Variants in MACROD2 observed in about 807,000 individuals in gnomAD.
MACROD2 encodes ADP-ribose glycohydrolase MACROD2.
In MACROD2, 36 loss-of-function variants were observed where a neutral mutation model predicts 70.4. That is an observed-to-expected ratio of 0.51 (90% confidence interval 0.39 to 0.68). MACROD2 has a LOEUF of 0.68. Among genes scored for constraint, MACROD2 ranks in the 30% least tolerant of loss-of-function variants. The probability of loss-of-function intolerance (pLI) is 0.00; values close to 1 mark genes in which losing one functional copy is unlikely to be tolerated. For missense variants in MACROD2, 496 were observed against 538.4 expected, an observed-to-expected ratio of 0.92 and a Z score of 0.78; for synonymous variants, 172 against 178.8, an observed-to-expected ratio of 0.96 and a Z score of 0.30.
chr20:14,847,055 T>G (rs1384869076), intron 5 of MACROD2, among the ~76,000 whole-genome samples: 1 of 151,312 alleles, frequency 6.6e-6, no homozygotes, highest in Non-Finnish European at 1.5e-5. Context: ...TGAATATCAC[T>G]GAAAGAAACA....
At chr20:15,306,477 A>G (rs2077698858) in intron 6 of MACROD2, among the ~76,000 whole-genome samples, 1 of 152,220 alleles carries the variant, frequency 6.6e-6, no homozygotes, top group Non-Finnish European at 1.5e-5. Context: ...ACAGAAATGT[A>G]GACAACTAAT....
At chr20:14,977,263 C>T (rs899264541) in intron 5 of MACROD2, among the ~76,000 whole-genome samples, 1 of 151,218 alleles carries the variant, frequency 6.6e-6, no homozygotes, top group Admixed American at 6.6e-5. Flanking sequence ...TCACCAGACT[C>T]AGCACATCAG....
At chr20:14,213,112 A>G (rs1000979003) in intron 3 of MACROD2, among the ~76,000 whole-genome samples, 4 of 152,032 alleles carry the variant, frequency 2.6e-5, no homozygotes, top group African/African-American at 7.2e-5. Flanking sequence ...CCATTAATTC[A>G]TAAGTATTAT....
chr20:14,797,213 C>A lies in MACROD2; in HGVS notation c.418+112254C>A, dbSNP rs145244710. On this transcript the variant is annotated intron_variant, in intron 5 of 17. Coordinates refer to ENST00000684519, the MANE Select transcript of MACROD2 (RefSeq NM_001351661.2). Reference sequence around the variant, plus strand: ...CTGTTGCGATATCCTTCTAAATGGTCTCTATGTATTTCTTTCAACCCATTT... The same window carrying A: ...CTGTTGCGATATCCTTCTAAATGGTATCTATGTATTTCTTTCAACCCATTT... Among the ~76,000 whole-genome samples, 487 of 152,170 alleles carry A rather than the reference C, an allele frequency of 3.2e-3. 6 individuals carry two copies. The highest frequency in any genetic ancestry group is 0.01 in the African/African-American group (420 of 41,496).
chr20:14,973,685 T>C (rs2074712571), intron 5 of MACROD2, among the ~76,000 whole-genome samples: 1 of 152,148 alleles, frequency 6.6e-6, no homozygotes, highest in Admixed American at 6.5e-5. Context: ...AGTCTTCACT[T>C]ACTATGAAGG....
At chr20:16,004,061 C>G (rs2066752720) in intron 15 of MACROD2, among the ~76,000 whole-genome samples, 1 of 152,152 alleles carries the variant, frequency 6.6e-6, no homozygotes, top group Non-Finnish European at 1.5e-5. Flanking sequence ...CCCTCATTAT[C>G]CAAACCAGCT....
At chr20:15,397,618 G>C (rs1466753219) in intron 6 of MACROD2, among the ~76,000 whole-genome samples, 3 of 151,984 alleles carry the variant, frequency 2.0e-5, no homozygotes, top group Non-Finnish European at 4.4e-5. Context: ...ATTTTCTATG[G>C]GTGCATTTTC....
intron 3 of MACROD2, among the ~76,000 whole-genome samples, chr20:14,368,928 C>T (rs1329238715): frequency 6.6e-6 from 1 of 152,188 alleles, no homozygotes; most frequent in African/African-American, 2.4e-5. Context: ...TATTTTTAAG[C>T]TCTGTCTTAG....
chr20:14,527,369 G>A (rs1026265109), intron 4 of MACROD2, among the ~76,000 whole-genome samples: 2 of 152,100 alleles, frequency 1.3e-5, no homozygotes, highest in African/African-American at 2.4e-5. Context: ...AGGTCCATAC[G>A]GGTGGAACCC....
intron 3 of MACROD2, among the ~76,000 whole-genome samples, chr20:14,307,635 A>T (rs1271027804): frequency 6.6e-6 from 1 of 152,110 alleles, no homozygotes; most frequent in Non-Finnish European, 1.5e-5. Context: ...CTTTCAGAAG[A>T]CACTCCATTT....
intron 2 of MACROD2, among the ~76,000 whole-genome samples, chr20:14,057,790 TAA>T (rs1172477708): frequency 6.6e-6 from 1 of 152,108 alleles, no homozygotes; most frequent in Non-Finnish European, 1.5e-5. Flanking sequence ...GTAAAATGGG[TAA>T]ACAGATTATG....
intron 5 of MACROD2, among the ~76,000 whole-genome samples, chr20:14,732,661 T>C (rs185525422): frequency 7.9e-5 from 12 of 152,294 alleles, no homozygotes; most frequent in Admixed American, 7.2e-4. Flanking sequence ...TTCTGATTGC[T>C]TTGCTCTGTT....
At chr20:15,869,821 T>C (rs1244302634) in intron 9 of MACROD2, among the ~76,000 whole-genome samples, 8 of 152,172 alleles carry the variant, frequency 5.3e-5, no homozygotes, top group Non-Finnish European at 8.8e-5. Context: ...TTAACATATC[T>C]CAATGTCTAG....
At chr20:15,582,749 T>C (rs916806140) in intron 8 of MACROD2, among the ~76,000 whole-genome samples, 2 of 152,184 alleles carry the variant, frequency 1.3e-5, no homozygotes, top group Non-Finnish European at 2.9e-5. Context: ...AAAAGACGTG[T>C]CCTGCAAACC....
intron 4 of MACROD2, among the ~76,000 whole-genome samples, chr20:14,539,437 G>A (rs1455266907): frequency 2.0e-5 from 3 of 152,118 alleles, no homozygotes; most frequent in Non-Finnish European, 4.4e-5. Context: ...TAGAAGAAGG[G>A]AGAGTGTTGG....
intron 9 of MACROD2, among the ~76,000 whole-genome samples, chr20:15,880,197 A>T (rs1020354064): frequency 6.6e-6 from 1 of 152,012 alleles, no homozygotes; most frequent in Non-Finnish European, 1.5e-5. Context: ...AAAATTAACC[A>T]TCACTCCTGG....
chr20:14,880,207 A>C (rs1249959292), intron 5 of MACROD2, among the ~76,000 whole-genome samples: 1 of 152,146 alleles, frequency 6.6e-6, no homozygotes, highest in Non-Finnish European at 1.5e-5. Context: ...AAAGATACGT[A>C]TGTCCACAGT....
At chr20:14,525,981 A>C (rs1172927554) in intron 4 of MACROD2, among the ~76,000 whole-genome samples, 2 of 152,164 alleles carry the variant, frequency 1.3e-5, no homozygotes, top group African/African-American at 4.8e-5. Context: ...TTTGCCATAA[A>C]ATTGATTTCT....
chr20:14,290,083 G>C (rs1273538803), intron 3 of MACROD2, among the ~76,000 whole-genome samples: 1 of 152,054 alleles, frequency 6.6e-6, no homozygotes, highest in Non-Finnish European at 1.5e-5. Context: ...AAGTGAAAAG[G>C]AAAGTGCATC....
Sources: gnomAD v4.1 joint callset for allele counts (sites outside exome capture counted in the v4.1 genomes callset) on GRCh38, gnomAD v4.1.1 for gene constraint, MANE v1.5 for transcripts, NCBI Gene and HGNC (gene_info 2026-07-23, HGNC 2026-07-21) for gene names.